The following FHIT variants were observed in gnomAD, a reference collection of about 807,000 sequenced individuals.
The protein encoded by FHIT is fragile histidine triad diadenosine triphosphatase.
A neutral mutation model predicts 17.9 loss-of-function variants in FHIT; 19 were observed. The ratio of observed to expected loss-of-function variants is 1.06; its 90% CI spans 0.74 to 1.56. The LOEUF is 1.56. FHIT is among the 40% of genes most tolerant of loss of function. FHIT has a pLI of 0.00. For missense variants in FHIT, 248 were observed against 189.2 expected, an observed-to-expected ratio of 1.31 and a Z score of -1.82; for synonymous variants, 81 against 69.7, an observed-to-expected ratio of 1.16 and a Z score of -0.81.
At chr3:61,045,671 A>G (rs2033750290) in intron 2 of FHIT, among the ~76,000 whole-genome samples, 1 of 152,190 alleles carries the variant, frequency 6.6e-6, no homozygotes, top group Admixed American at 6.5e-5. Flanking sequence ...TCCACCCCAA[A>G]TCAACAAAAT....
chr3:60,363,854 C>G (rs1207307258), intron 5 of FHIT, among the ~76,000 whole-genome samples: 2 of 152,140 alleles, frequency 1.3e-5, no homozygotes, highest in Non-Finnish European at 2.9e-5. Context: ...TCCTCTTGGT[C>G]CTTCCTGGAA....
intron 5 of FHIT, among the ~76,000 whole-genome samples, chr3:60,485,802 C>T (rs1292952733): frequency 6.6e-6 from 1 of 152,044 alleles, no homozygotes; most frequent in Non-Finnish European, 1.5e-5. Context: ...AAGAAATGGA[C>T]AACTCTCTAG....
intron 4 of FHIT, among the ~76,000 whole-genome samples, chr3:60,743,703 A>T (rs2042283970): frequency 6.6e-6 from 1 of 152,154 alleles, no homozygotes; most frequent in Non-Finnish European, 1.5e-5. Context: ...GGCTCTTCTC[A>T]TTAAGAAAAA....
chr3:60,815,020 G>C (rs1451838201), intron 4 of FHIT, among the ~76,000 whole-genome samples: 1 of 149,802 alleles, frequency 6.7e-6, no homozygotes, highest in Non-Finnish European at 1.5e-5. Flanking sequence ...TTTCATGTTT[G>C]TTGGCCACTT....
intron 5 of FHIT, among the ~76,000 whole-genome samples, chr3:60,255,172 A>G (rs2107599081): frequency 6.6e-6 from 1 of 152,296 alleles, no homozygotes; most frequent in Non-Finnish European, 1.5e-5. Context: ...TAACTTTTCT[A>G]TAAAGTTAAT....
At chr3:60,640,741 A>G (rs1553685106) in intron 4 of FHIT, among the ~76,000 whole-genome samples, 1 of 152,206 alleles carries the variant, frequency 6.6e-6, no homozygotes, top group Non-Finnish European at 1.5e-5. Context: ...TCAAACATGG[A>G]CTATTTATCA....
At chr3:60,589,946 T>C (rs1475841203) in intron 4 of FHIT, among the ~76,000 whole-genome samples, 5 of 152,018 alleles carry the variant, frequency 3.3e-5, no homozygotes, top group African/African-American at 1.2e-4. Context: ...TTGACCCTCT[T>C]CAACTCTGGG....
chr3:61,061,121 T>G (rs1477394796), intron 2 of FHIT, among the ~76,000 whole-genome samples: 1 of 152,226 alleles, frequency 6.6e-6, no homozygotes, highest in East Asian at 1.9e-4. Context: ...AAAATCTGAA[T>G]TAAATACAGG....
intron 1 of FHIT, among the ~76,000 whole-genome samples, chr3:61,201,938 A>ATG (rs893866549): frequency 6.7e-6 from 1 of 149,784 alleles, no homozygotes; most frequent in Non-Finnish European, 1.5e-5. Flanking sequence ...AAATACATAT[A>ATG]TGTGTGTGTA....
chr3:61,116,201 C>G (rs1217889263), intron 2 of FHIT, among the ~76,000 whole-genome samples: 2 of 151,500 alleles, frequency 1.3e-5, no homozygotes, highest in East Asian at 3.9e-4. Context: ...TCTTAAGTTT[C>G]CCTCTGTAAA....
At chr3:60,722,413 A>C (rs1325869978) in intron 4 of FHIT, among the ~76,000 whole-genome samples, 1 of 152,166 alleles carries the variant, frequency 6.6e-6, no homozygotes, top group Non-Finnish European at 1.5e-5. Flanking sequence ...TGATTACCTT[A>C]TTTGTCTCAC....
At chr3:59,934,200 G>T (rs1297952017) in intron 7 of FHIT, among the ~76,000 whole-genome samples, 1 of 152,110 alleles carries the variant, frequency 6.6e-6, no homozygotes, top group Non-Finnish European at 1.5e-5. Context: ...TCATAAAACT[G>T]CATGATAGAT....
chr3:59,993,404 G>T (rs1287546853), intron 7 of FHIT, among the ~76,000 whole-genome samples: 1 of 151,960 alleles, frequency 6.6e-6, no homozygotes, highest in East Asian at 1.9e-4. Flanking sequence ...CAGTGGTATG[G>T]GTACTCTAAA....
At chr3:59,882,672 A>T (rs1242385728) in intron 8 of FHIT, among the ~76,000 whole-genome samples, 1 of 152,210 alleles carries the variant, frequency 6.6e-6, no homozygotes, top group African/African-American at 2.4e-5. Context: ...TAGGAGGAAC[A>T]TGTAGAAAAC....
intron 8 of FHIT, among the ~76,000 whole-genome samples, chr3:59,817,557 G>A (rs1182257303): frequency 5.8e-5 from 5 of 85,934 alleles, no homozygotes; most frequent in South Asian, 4.3e-4. Flanking sequence ...AGCAACACCC[G>A]TCACTAAAAA....
At chr3:60,960,073 T>C (rs1238419947) in intron 3 of FHIT, among the ~76,000 whole-genome samples, 1 of 151,710 alleles carries the variant, frequency 6.6e-6, no homozygotes, top group African/African-American at 2.4e-5. Context: ...GTTTTTTTTT[T>C]ACCCTCATCA....
At chr3:61,024,623 T>C (rs2032635662) in intron 3 of FHIT, among the ~76,000 whole-genome samples, 1 of 152,152 alleles carries the variant, frequency 6.6e-6, no homozygotes, top group Non-Finnish European at 1.5e-5. Flanking sequence ...TGGTTATGAC[T>C]AAATATATAA....
chr3:60,629,947 C>T (rs967319), intron 4 of FHIT, among the ~76,000 whole-genome samples: 31,242 of 152,046 alleles, frequency 0.21, 3,503 homozygotes, highest in Admixed American at 0.26. Context: ...ATAGCTGCTC[C>T]CAAAAGGTAT....
At chr3:59,909,915 A>G (rs1015768669) in intron 8 of FHIT, among the ~76,000 whole-genome samples, 2 of 152,252 alleles carry the variant, frequency 1.3e-5, no homozygotes, top group Non-Finnish European at 2.9e-5. Flanking sequence ...ACAGGAGTGT[A>G]ACATTCTATT....
Sources: allele counts gnomAD v4.1 joint callset (sites outside exome capture counted in the v4.1 genomes callset), GRCh38; gene constraint gnomAD v4.1.1; transcripts MANE v1.5; gene names NCBI Gene and HGNC (gene_info 2026-07-23, HGNC 2026-07-21).